XIRP2: variants seen among roughly 807,000 people sequenced by gnomAD.
The protein encoded by XIRP2 is xin actin-binding repeat-containing protein 2.
Under a neutral mutation model 277.0 loss-of-function variants are expected in XIRP2, and 236 were observed. The observed-to-expected ratio is 0.85, with a 90% CI of 0.77 to 0.95. The LOEUF is 0.95. Among genes scored for constraint, XIRP2 ranks in the 40% least tolerant of loss-of-function variants. XIRP2 has a pLI of 0.00. For synonymous variants in XIRP2, 1,490 were observed against 1,416.5 expected, an observed-to-expected ratio of 1.05 and a Z score of -1.17; for missense variants, 4,640 against 4,157.5, an observed-to-expected ratio of 1.12 and a Z score of -3.19.
intron 3 of XIRP2, among the ~76,000 whole-genome samples, chr2:167,176,450 A>G (rs776750980): frequency 2.6e-4 from 39 of 152,262 alleles, no homozygotes; most frequent in Non-Finnish European, 4.9e-4. Flanking sequence ...CCATTCAACC[A>G]TCTTGCCAGT....
At position 167,214,205 on chromosome 2, in the gene XIRP2, AGAGGGAGG is replaced by A. The variant is rs1287801221; in HGVS notation, c.723+3327_723+3334del. On this transcript the variant is annotated intron_variant, in intron 4 of 10. Coordinates refer to ENST00000409195, the MANE Select transcript of XIRP2 (RefSeq NM_152381.6). ...GAAGGAAGGAAAGAGAGAGAGAAAGAGAGGGAGGGAGGGAGGGAGGGAGGAAGGAAGGA... is the reference window on the plus strand; with the variant it reads ...GAAGGAAGGAAAGAGAGAGAGAAAGAGAGGGAGGGAGGGAGGAAGGAAGGA... 3.3e-4 allele frequency among the ~76,000 whole-genome samples: 22 copies of A among 66,994 alleles called. 1 individual carries two copies. The highest frequency in any genetic ancestry group is 4.7e-4 in the Non-Finnish European group (19 of 40,234). 44.0% of individuals were successfully genotyped at this position (66,994 alleles called of 152,430 possible). A position where few individuals can be genotyped will look rare whatever the true frequency, so the allele number is the denominator to read the frequency against.
chr2:166,927,722 C>T (rs1053222604), intron 2 of XIRP2, among the ~76,000 whole-genome samples: 1 of 152,134 alleles, frequency 6.6e-6, no homozygotes, highest in Non-Finnish European at 1.5e-5. Context: ...ACCTTGATTT[C>T]CCTTTGCCAT....
chr2:167,119,478 C>T (rs1443014391), intron 2 of XIRP2, among the ~76,000 whole-genome samples: 1 of 152,132 alleles, frequency 6.6e-6, no homozygotes, highest in African/African-American at 2.4e-5. Flanking sequence ...GCAAGTTCAA[C>T]ACTTAAATAC....
At chr2:167,188,011 T>C (rs1204963761) in intron 3 of XIRP2, among the ~76,000 whole-genome samples, 1 of 152,206 alleles carries the variant, frequency 6.6e-6, no homozygotes, top group Non-Finnish European at 1.5e-5. Context: ...TACTTTGCTT[T>C]TGTAGTTCTT....
intron 10 of XIRP2, among the ~76,000 whole-genome samples, chr2:167,257,079 T>A (rs906091694): frequency 1.3e-5 from 2 of 151,956 alleles, no homozygotes; most frequent in African/African-American, 4.8e-5. Flanking sequence ...GATTGGCATG[T>A]GATACTTTCC....
chr2:166,901,746 A>G (rs1012977987), intron 1 of XIRP2, among the ~76,000 whole-genome samples: 7 of 152,130 alleles, frequency 4.6e-5, no homozygotes, highest in Admixed American at 4.6e-4. Context: ...CCAAACAGGT[A>G]TTCAGATCTT....
In XIRP2 at chr2:167,257,940, A is replaced by G. The variant is rs1264470193; in HGVS notation, c.*123A>G. 1.2e-6 allele frequency: 2 copies of G among 1,612,810 alleles called. No individual in the cohort carries two copies. Among genetic ancestry groups the G allele is most frequent in the Non-Finnish European group, 1.7e-6 (2 of 1,179,370 alleles). On this transcript the variant is annotated 3_prime_UTR_variant, in exon 11 of 11. Coordinates refer to ENST00000409195, the MANE Select transcript of XIRP2 (RefSeq NM_152381.6). ...CTTTTCAAATCCAAAGGAAATTATG[A>G]TGAAGGTTTTGGACATAAGCAGCAT...
chr2:166,961,225 T>C (rs138263989), intron 2 of XIRP2, among the ~76,000 whole-genome samples: 175 of 151,726 alleles, frequency 1.2e-3, no homozygotes, highest in African/African-American at 4.1e-3. Context: ...AGTTTTTTCT[T>C]CCCTTGGACA....
At chr2:167,084,029 G>A (rs1689836934) in intron 2 of XIRP2, among the ~76,000 whole-genome samples, 1 of 151,818 alleles carries the variant, frequency 6.6e-6, no homozygotes, top group South Asian at 2.1e-4. Context: ...AGTTTTCAAA[G>A]GGAATGCTTC....
chr2:167,238,503 C>G (rs1455158622), intron 5 of XIRP2, among the ~76,000 whole-genome samples: 2 of 151,936 alleles, frequency 1.3e-5, no homozygotes, highest in Non-Finnish European at 2.9e-5. Context: ...GATTTTAAAC[C>G]CTGTACACCA....
chr2:167,207,165 C>A (rs896453393), intron 3 of XIRP2, among the ~76,000 whole-genome samples: 1 of 152,080 alleles, frequency 6.6e-6, no homozygotes, highest in Non-Finnish European at 1.5e-5. Context: ...TTTTTCACTT[C>A]TTAATGTTGT....
At chr2:166,935,735 C>T (rs1685478564) in intron 2 of XIRP2, among the ~76,000 whole-genome samples, 1 of 152,184 alleles carries the variant, frequency 6.6e-6, no homozygotes, top group African/African-American at 2.4e-5. Context: ...CTACAAAGGA[C>T]ATGAACTCAT....
chr2:166,924,041 A>T (rs1685123604), intron 2 of XIRP2, among the ~76,000 whole-genome samples: 1 of 152,076 alleles, frequency 6.6e-6, no homozygotes, highest in African/African-American at 2.4e-5. Flanking sequence ...TGCCCTGAAA[A>T]AAAATAAGCT....
intron 3 of XIRP2, among the ~76,000 whole-genome samples, chr2:167,173,429 T>C (rs1211271053): frequency 6.6e-6 from 1 of 152,192 alleles, no homozygotes; most frequent in East Asian, 1.9e-4. Flanking sequence ...GTGACCTCCA[T>C]TTTCATCCAT....
chr2:166,896,503 A>G (rs1204725427), intron 1 of XIRP2, among the ~76,000 whole-genome samples: 2 of 151,804 alleles, frequency 1.3e-5, no homozygotes, highest in East Asian at 3.9e-4. Context: ...TAAAAAAAAA[A>G]GAAAAAGTTT....
chr2:167,192,305 C>G (rs1389772627), intron 3 of XIRP2, among the ~76,000 whole-genome samples: 1 of 151,982 alleles, frequency 6.6e-6, no homozygotes, highest in Non-Finnish European at 1.5e-5. Flanking sequence ...TCACATTTCC[C>G]CCCATTTAAT....
At chr2:167,229,471 G>C (rs1425170336) in intron 5 of XIRP2, among the ~76,000 whole-genome samples, 1 of 152,086 alleles carries the variant, frequency 6.6e-6, no homozygotes, top group Non-Finnish European at 1.5e-5. Flanking sequence ...AATCATTAAT[G>C]TTATAGACTC....
At chr2:167,004,665 T>G (rs1371498180) in intron 2 of XIRP2, among the ~76,000 whole-genome samples, 7 of 151,986 alleles carry the variant, frequency 4.6e-5, no homozygotes, top group Admixed American at 4.6e-4. Context: ...TACAAATGTA[T>G]AGCAGAAACA....
intron 5 of XIRP2, among the ~76,000 whole-genome samples, chr2:167,237,693 G>A (rs374617829): frequency 3.3e-5 from 5 of 152,252 alleles, no homozygotes; most frequent in East Asian, 1.9e-4. Context: ...GCCTCTAGGC[G>A]GAGACATGAT....
Sources: gnomAD v4.1 joint callset for allele counts (sites outside exome capture counted in the v4.1 genomes callset) on GRCh38, gnomAD v4.1.1 for gene constraint, MANE v1.5 for transcripts, NCBI Gene and HGNC (gene_info 2026-07-23, HGNC 2026-07-21) for gene names.